MAP3K20: variants seen among roughly 807,000 people sequenced by gnomAD.
The protein encoded by MAP3K20 is HCCS-4.
In MAP3K20, 40 loss-of-function variants were observed where a neutral mutation model predicts 85.7. The observed-to-expected ratio is 0.47, with a 90% CI of 0.36 to 0.61. The LOEUF is 0.61. Among genes scored for constraint, MAP3K20 ranks in the 20% least tolerant of loss-of-function variants. MAP3K20 has a pLI of 0.00. For synonymous variants in MAP3K20, 325 were observed against 327.7 expected (o/e 0.99, Z 0.09); for missense variants, 817 against 961.7 (o/e 0.85, Z 1.99).
chr2:173,247,191 T>G (rs750225731), intron 16 of MAP3K20, among the ~76,000 whole-genome samples: 41 of 152,240 alleles, frequency 2.7e-4, no homozygotes, highest in Admixed American at 7.9e-4. Context: ...AGGTTAAAAA[T>G]TCGGCTTTTT....
intron 1 of MAP3K20, among the ~76,000 whole-genome samples, chr2:173,076,758 A>G (rs527732238): frequency 6.6e-6 from 1 of 152,178 alleles, no homozygotes; most frequent in African/African-American, 2.4e-5. Context: ...GGAGCCGGGG[A>G]TGTCTCCTTT....
intron 2 of MAP3K20, among the ~76,000 whole-genome samples, chr2:173,133,416 T>G (rs1282458521): frequency 6.6e-6 from 1 of 152,196 alleles, no homozygotes. Context: ...GAGTTTGATT[T>G]AGAGAGTGAG....
chr2:173,104,341 C>G (rs1371303466), intron 2 of MAP3K20, among the ~76,000 whole-genome samples: 4 of 152,128 alleles, frequency 2.6e-5, no homozygotes, highest in Non-Finnish European at 5.9e-5. Flanking sequence ...AAATATCAGG[C>G]AAACCAAAGC....
At chr2:173,133,381 C>T (rs1383822504) in intron 2 of MAP3K20, among the ~76,000 whole-genome samples, 1 of 152,092 alleles carries the variant, frequency 6.6e-6, no homozygotes, top group Non-Finnish European at 1.5e-5. Flanking sequence ...ACTGAAAGGA[C>T]CCAGTGAAAT....
intron 14 of MAP3K20, among the ~76,000 whole-genome samples, chr2:173,234,715 G>A (rs1684604717): frequency 6.6e-6 from 1 of 152,314 alleles, no homozygotes; most frequent in South Asian, 2.1e-4. Context: ...AGCATAAGCA[G>A]CTCCGTCTGC....
chr2:173,185,313 A>C (rs180934762), intron 4 of MAP3K20, among the ~76,000 whole-genome samples: 1 of 152,310 alleles, frequency 6.6e-6, no homozygotes, highest in African/African-American at 2.4e-5. Flanking sequence ...AGATTAATAA[A>C]ATCCCTTTTG....
intron 9 of MAP3K20, 179 bp from the exon 10 acceptor site, chr2:173,209,550 A>G: frequency 2.0e-6 from 1 of 492,488 alleles, no homozygotes; most frequent in Middle Eastern, 5.3e-4. Context: ...AATAAAGAAT[A>G]GAGCTCCCTA....
chr2:173,241,535 A>T (rs931267099), intron 16 of MAP3K20, among the ~76,000 whole-genome samples: 2 of 152,138 alleles, frequency 1.3e-5, no homozygotes, highest in African/African-American at 4.8e-5. Context: ...GGATCACTTG[A>T]GCTCAGGAGG....
chr2:173,222,576 G>A, intron 11 of MAP3K20: 4 of 985,430 alleles, frequency 4.1e-6, no homozygotes, highest in South Asian at 4.7e-5. Flanking sequence ...CAGCAAGTGG[G>A]GTATGTGTGG....
rs956790480 is a variant in MAP3K20, at chr2:173,267,644, A to G, written c.*894A>G. 6.6e-6 allele frequency: 1 copy of G among 152,216 alleles called. No homozygotes were observed. Among genetic ancestry groups the G allele is most frequent in the Admixed American group, 6.5e-5 (1 of 15,280 alleles). 9.4% of individuals were successfully genotyped at this position (152,216 alleles called of 1,614,324 possible). ...GACTGCTTTCAAATACTATTTTCTA[A>G]ATTTCACCAAAGGAGCAAAGAGGAT... On this transcript the variant is annotated 3_prime_UTR_variant, in exon 20 of 20. Coordinates refer to ENST00000375213, the MANE Select transcript of MAP3K20 (RefSeq NM_016653.3).
chr2:173,229,653 C>T, intron 11 of MAP3K20, 36 bp from the exon 12 acceptor site: 2 of 1,449,894 alleles, frequency 1.4e-6, no homozygotes, highest in Non-Finnish European at 1.9e-6. Flanking sequence ...GATAATATTA[C>T]TTTTTTTTTT....
chr2:173,116,198 G>A (rs1688119253), intron 2 of MAP3K20, among the ~76,000 whole-genome samples: 2 of 152,040 alleles, frequency 1.3e-5, no homozygotes, highest in African/African-American at 4.8e-5. Context: ...TATTCATGCT[G>A]TACAACATGA....
chr2:173,201,796 G>C (rs148545141), intron 8 of MAP3K20, among the ~76,000 whole-genome samples: 2 of 152,030 alleles, frequency 1.3e-5, no homozygotes, highest in Non-Finnish European at 2.9e-5. Context: ...ACTTTTTAAC[G>C]CACCAAAATA....
At chr2:173,107,368 T>A (rs1687812012) in intron 2 of MAP3K20, among the ~76,000 whole-genome samples, 1 of 151,966 alleles carries the variant, frequency 6.6e-6, no homozygotes, top group Non-Finnish European at 1.5e-5. Context: ...GTGCAAGGGT[T>A]TCAGGAGTTG....
chr2:173,096,132 A>G (rs1353349172), intron 2 of MAP3K20, among the ~76,000 whole-genome samples: 1 of 152,176 alleles, frequency 6.6e-6, no homozygotes, highest in Non-Finnish European at 1.5e-5. Context: ...TGCAGGCATC[A>G]GTGTGCTTCT....
chr2:173,209,886 C>G (rs369050604), intron 10 of MAP3K20, 51 bp downstream of exon 10: 1 of 1,457,766 alleles, frequency 6.9e-7, no homozygotes, highest in Non-Finnish European at 9.6e-7. Flanking sequence ...AAGACCATCA[C>G]TCGTCTCAAT....
intron 2 of MAP3K20, among the ~76,000 whole-genome samples, chr2:173,111,187 G>A (rs1204346684): frequency 2.6e-5 from 4 of 152,182 alleles, no homozygotes; most frequent in African/African-American, 9.7e-5. Context: ...CATTAGTGAT[G>A]TTGAGCATGT....
intron 2 of MAP3K20, among the ~76,000 whole-genome samples, chr2:173,150,592 A>T (rs1333834173): frequency 6.6e-6 from 1 of 152,168 alleles, no homozygotes; most frequent in African/African-American, 2.4e-5. Context: ...TTTGAGACAA[A>T]GTCTTGTCCT....
chr2:173,203,969 A>G, intron 9 of MAP3K20, 99 bp downstream of exon 9: 1 of 1,121,654 alleles, frequency 8.9e-7, no homozygotes. Flanking sequence ...ATTACAAAGC[A>G]AAGCTGGATT....
Sources: allele counts gnomAD v4.1 joint callset (sites outside exome capture counted in the v4.1 genomes callset), GRCh38; gene constraint gnomAD v4.1.1; transcripts MANE v1.5; gene names NCBI Gene and HGNC (gene_info 2026-07-23, HGNC 2026-07-21).